IL27RA: variants seen among roughly 807,000 people sequenced by gnomAD.
The protein encoded by IL27RA is interleukin 27 receptor subunit alpha.
IL27RA carries 61 observed loss-of-function variants against 80.8 expected under a neutral mutation model. That is an observed-to-expected ratio of 0.76 (90% CI 0.61 to 0.93). The LOEUF is 0.93. Ranked by LOEUF, IL27RA falls within the 40% of genes least tolerant of loss-of-function variation. The pLI, the probability that IL27RA is intolerant of heterozygous loss-of-function variation, is 0.00. For missense variants in IL27RA, 735 were observed against 808.1 expected (o/e 0.91, Z 1.10); for synonymous variants, 316 against 332.5 (o/e 0.95, Z 0.54).
intron 2 of IL27RA, among the ~76,000 whole-genome samples, chr19:14,037,353 C>T (rs1003382615): frequency 7.9e-5 from 12 of 151,522 alleles, no homozygotes; most frequent in Non-Finnish European, 1.6e-4. Context: ...CTCCATCTTT[C>T]GGGTTCAAGT....
chr19:14,046,281 C>T lies in IL27RA; in HGVS notation c.896C>T (p.Ser299Phe). Reference sequence around the variant, plus strand: ...AGTGGGGCGGAGTGGGCCAGGGTGTCCGCTGTCAACGCCACAAGCTGGGAG... The same window carrying T: ...AGTGGGGCGGAGTGGGCCAGGGTGTTCGCTGTCAACGCCACAAGCTGGGAG... ...IPSGAEWARVSAVNATSWEPL... is the reference protein window; with the variant it reads ...IPSGAEWARVFAVNATSWEPL... Residue 299 changes from serine to phenylalanine, a missense_variant, in exon 7 of 14, where the codon TCC (serine) becomes TTC (phenylalanine). Transcript: ENST00000263379. 2 of 1,614,120 alleles carry T rather than the reference C, an allele frequency of 1.2e-6. No homozygotes were observed. The highest frequency in any genetic ancestry group is 1.7e-6 in the Non-Finnish European group (2 of 1,180,020).
Position 14,032,340 on chromosome 19 carries a change from G to C in IL27RA, c.101-46G>C, listed in dbSNP as rs191805050. ...AGTTCTGGGGTGTGCAGGCGGAAGG[G>C]GGGGATTCGACCCCCTTTCCTGAGA... On this transcript the variant is annotated intron_variant, in intron 1 of 13. Transcript: ENST00000263379. 70 of 1,425,382 alleles carry C rather than the reference G, an allele frequency of 4.9e-5. No individual in the cohort carries two copies. In the East Asian group the frequency reaches 1.5e-3, roughly 31 times the overall value. The allele number at this position is 1,425,382 out of a possible 1,614,324, so 88.3% of individuals were successfully genotyped here. A position where few individuals can be genotyped will look rare whatever the true frequency, so the allele number is the denominator to read the frequency against.
chr19:14,033,825 G>T (rs1040479767), intron 2 of IL27RA, among the ~76,000 whole-genome samples: 3 of 151,968 alleles, frequency 2.0e-5, no homozygotes. Context: ...ATTAGCCGAT[G>T]TGGTGGTGCA....
At chr19:14,046,713 A>G in intron 8 of IL27RA, 95 bp downstream of exon 8, 2 of 1,238,310 alleles carry the variant, frequency 1.6e-6, no homozygotes, top group Admixed American at 4.9e-5. Context: ...AAGTAGCGTG[A>G]TGGCCGGGCT....
intron 2 of IL27RA, among the ~76,000 whole-genome samples, chr19:14,036,519 G>A (rs546483252): frequency 3.7e-5 from 5 of 135,238 alleles, no homozygotes; most frequent in Non-Finnish European, 7.7e-5. Context: ...GACAGAATCT[G>A]GCTCTGTCAC....
At position 14,052,137 on chromosome 19, in the gene IL27RA, G is replaced by C. The variant is rs113824749; in HGVS notation, c.1758G>C (p.Leu586=). The change falls in exon 14 of 14, where the codon CTG becomes CTC. Residue 586 remains leucine, a synonymous_variant. Transcript: ENST00000263379. ...AGCCCCTTGGGGACTTGCCCATCCT[G>C]GAAGTGGAGGAGATGGAGCCCCCGC... The part of the protein sequence containing the change: ...EAQPLGDLPI[L]EVEEMEPPPV... The C allele has an allele frequency of 6.2e-7, 1 of 1,613,320 alleles. No individual in the cohort carries two copies. The highest frequency in any genetic ancestry group is 1.1e-5 in the South Asian group (1 of 90,888).
At chr19:14,040,920 G>A (rs1025130534) in intron 4 of IL27RA, among the ~76,000 whole-genome samples, 1 of 85,590 alleles carries the variant, frequency 1.2e-5, no homozygotes, top group Non-Finnish European at 2.3e-5. Context: ...TTTTTTTTTT[G>A]AGATGGCGTT....
At chr19:14,043,716 G>A (rs1599300847) in intron 6 of IL27RA, among the ~76,000 whole-genome samples, 1 of 151,614 alleles carries the variant, frequency 6.6e-6, no homozygotes, top group Admixed American at 6.6e-5. Context: ...GAGCCACCGC[G>A]CCTGGCCTGT....
chr19:14,041,489 C>T (rs1281038366), intron 4 of IL27RA, among the ~76,000 whole-genome samples: 1 of 152,148 alleles, frequency 6.6e-6, no homozygotes, highest in Non-Finnish European at 1.5e-5. Flanking sequence ...GCGTGAGCCA[C>T]CTCACCCGGC....
chr19:14,052,248 G>T lies in IL27RA; in HGVS notation c.1869G>T (p.Glu623Asp). 6.4e-7 allele frequency: 1 copy of T among 1,557,868 alleles called. No homozygotes were observed. Among genetic ancestry groups the T allele is most frequent in the Admixed American group, 1.9e-5 (1 of 51,298 alleles). The change falls in exon 14 of 14, where the codon GAG becomes GAT. Residue 623 changes from glutamate to aspartate, a missense_variant. Transcript: ENST00000263379. ...YEKHFLPTPE[E>D]LGLLGPPRPQ... ...AGCACTTCCTGCCCACACCTGAGGA[G>T]CTGGGCCTTCTGGGGCCCCCCAGGC...
chr19:14,052,527 A>C lies in IL27RA; in HGVS notation c.*237A>C. 2.4e-6 allele frequency: 1 copy of C among 416,734 alleles called. No homozygotes were observed. The highest frequency in any genetic ancestry group is 3.7e-5 in the East Asian group (1 of 27,008). The allele number at this position is 416,734 out of a possible 1,614,324, so 25.8% of individuals were successfully genotyped here. A position where few individuals can be genotyped will look rare whatever the true frequency, so the allele number is the denominator to read the frequency against. ...GGTGGAGCAAAGGAAAATACATGAAATTGAGAGTGGCAGCTGCCTGCCAAA... is the reference window on the plus strand; with the variant it reads ...GGTGGAGCAAAGGAAAATACATGAACTTGAGAGTGGCAGCTGCCTGCCAAA... On this transcript the variant is annotated 3_prime_UTR_variant, in exon 14 of 14. Transcript: ENST00000263379.
intron 2 of IL27RA, among the ~76,000 whole-genome samples, chr19:14,038,452 C>T (rs897800172): frequency 4.6e-5 from 7 of 151,776 alleles, no homozygotes; most frequent in African/African-American, 1.7e-4. Context: ...GTGATGCACA[C>T]CTGTTATCCC....
intron 2 of IL27RA, among the ~76,000 whole-genome samples, chr19:14,038,622 C>T (rs373914129): frequency 3.3e-5 from 5 of 150,588 alleles, no homozygotes; most frequent in African/African-American, 9.8e-5. Flanking sequence ...CAGTGGCTCA[C>T]GCCTGTAATT....
intron 10 of IL27RA, among the ~76,000 whole-genome samples, chr19:14,049,813 C>T (rs1436947531): frequency 1.3e-5 from 2 of 151,792 alleles, no homozygotes; most frequent in African/African-American, 4.8e-5. Context: ...CTCCTGACCT[C>T]GTGATCCACC....
At chr19:14,032,344 G>T (rs565629417) in intron 1 of IL27RA, 42 bp from the exon 2 acceptor site, 1 of 1,449,112 alleles carries the variant, frequency 6.9e-7, no homozygotes, top group Non-Finnish European at 9.6e-7. Flanking sequence ...GGAAGGGGGG[G>T]ATTCGACCCC....
chr19:14,042,691 T>C (rs1470340445), intron 5 of IL27RA, 25 bp from the exon 6 acceptor site: 14 of 1,613,988 alleles, frequency 8.7e-6, no homozygotes, highest in African/African-American at 4.0e-5. Flanking sequence ...CACTCATTTG[T>C]TCCCCGTTTC....
At chr19:14,036,077 T>TAAA (rs373140888) in intron 2 of IL27RA, among the ~76,000 whole-genome samples, 1 of 132,410 alleles carries the variant, frequency 7.6e-6, no homozygotes, top group African/African-American at 2.8e-5. Flanking sequence ...CCGTCTCTAT[T>TAAA]AAAAAAAAAA....
chr19:14,037,882 G>A (rs775873384), intron 2 of IL27RA, among the ~76,000 whole-genome samples: 6 of 148,152 alleles, frequency 4.0e-5, no homozygotes, highest in Non-Finnish European at 5.9e-5. Context: ...CCAGGCTGGA[G>A]TGCAGTGGTG....
At chr19:14,037,069 G>A (rs1034954307) in intron 2 of IL27RA, among the ~76,000 whole-genome samples, 5 of 151,588 alleles carry the variant, frequency 3.3e-5, no homozygotes, top group African/African-American at 1.2e-4. Context: ...CTCCTGACCC[G>A]AACTCTGCCT....
Sources: gnomAD v4.1 joint callset for allele counts (sites outside exome capture counted in the v4.1 genomes callset) on GRCh38, gnomAD v4.1.1 for gene constraint, MANE v1.5 for transcripts, NCBI Gene and HGNC (gene_info 2026-07-23, HGNC 2026-07-21) for gene names.